The following CCSER1 variants were observed in gnomAD, a reference collection of about 807,000 sequenced individuals.
The protein encoded by CCSER1 is coiled-coil serine rich protein 1.
Under a neutral mutation model 82.0 loss-of-function variants are expected in CCSER1, and 41 were observed. The ratio of observed to expected loss-of-function variants is 0.50; its 90% confidence interval spans 0.39 to 0.65. The LOEUF is 0.65. CCSER1 is among the 30% of genes least tolerant of loss of function. CCSER1 has a pLI of 0.00. For synonymous variants in CCSER1, 414 were observed against 383.9 expected (o/e 1.08, Z -0.92); for missense variants, 1,119 against 1,064.2 (o/e 1.05, Z -0.72).
intron 7 of CCSER1, among the ~76,000 whole-genome samples, chr4:90,774,685 A>C (rs1024264805): frequency 6.6e-6 from 1 of 152,080 alleles, no homozygotes; most frequent in African/African-American, 2.4e-5. Flanking sequence ...TGTTAGCCAT[A>C]CTGTCTAATG....
chr4:90,842,386 C>T (rs1417499426), intron 8 of CCSER1, among the ~76,000 whole-genome samples: 3 of 152,104 alleles, frequency 2.0e-5, no homozygotes, highest in South Asian at 2.1e-4. Context: ...TTTGATAGAA[C>T]TTCTCAGGGA....
intron 1 of CCSER1, among the ~76,000 whole-genome samples, chr4:90,246,010 A>C (rs1206983160): frequency 2.6e-5 from 4 of 152,250 alleles, no homozygotes; most frequent in African/African-American, 9.6e-5. Flanking sequence ...ATCCTGAAAT[A>C]GTCACGCCTG....
In CCSER1 at chr4:90,723,960, G is replaced by C. The variant is rs770305504; in HGVS notation, c.1979G>C (p.Ser660Thr). 1.3e-6 allele frequency: 2 copies of C among 1,582,792 alleles called. No individual in the cohort carries two copies. The highest frequency in any genetic ancestry group is 2.3e-5 in the South Asian group (2 of 85,748). Residue 660 changes from serine (S) to threonine (T), a missense_variant, in exon 7 of 11, where the codon AGT becomes ACT. Physicochemically the swap from Ser to Thr is moderately conservative, Grantham distance 58. Transcript: ENST00000509176. ...PASSTTSLPV[S>T]PLTEEPVPFK... ...AGCAGTACCACGTCACTTCCTGTTA[G>C]TCCTCTTACTGAAGAGCCAGTGCCT... is the stretch of plus-strand genomic sequence containing the variant.
At position 91,091,161 on chromosome 4, in the gene CCSER1, G is replaced by A. The variant is rs528802717; in HGVS notation, c.2217+5167G>A. Among the ~76,000 whole-genome samples the A allele has an allele frequency of 3.3e-5, 5 of 152,222 alleles. No individual in the cohort carries two copies. In the East Asian group the frequency reaches 9.7e-4, roughly 29 times the overall value. On this transcript the variant is annotated intron_variant, in intron 10 of 10. Transcript: ENST00000509176. ...CTGCTCCTAGCTTATTTCTATTAAT[G>A]ACAGCACAAGCGTCAAATTATAAGA...
At chr4:90,988,774 A>G (rs1736790701) in intron 9 of CCSER1, among the ~76,000 whole-genome samples, 1 of 151,818 alleles carries the variant, frequency 6.6e-6, no homozygotes, top group Non-Finnish European at 1.5e-5. Context: ...TACTTATTTT[A>G]AGCTTTGATA....
At chr4:90,604,386 A>G (rs1784374476) in intron 5 of CCSER1, among the ~76,000 whole-genome samples, 1 of 152,176 alleles carries the variant, frequency 6.6e-6, no homozygotes, top group Non-Finnish European at 1.5e-5. Flanking sequence ...TTAAAGGTTG[A>G]GTCCCATGTT....
intron 1 of CCSER1, among the ~76,000 whole-genome samples, chr4:90,151,026 C>T (rs1417990001): frequency 6.6e-6 from 1 of 152,042 alleles, no homozygotes; most frequent in Non-Finnish European, 1.5e-5. Flanking sequence ...CACAACCCTG[C>T]TCTGGCCTGA....
chr4:91,206,022 C>T lies in CCSER1; in HGVS notation c.2217+120028C>T, dbSNP rs193298541. Among the ~76,000 whole-genome samples, 430 of 151,840 alleles carry T rather than the reference C, an allele frequency of 2.8e-3. 4 individuals carry two copies. Among genetic ancestry groups the T allele is most frequent in the African/African-American group, 9.7e-3 (404 of 41,466 alleles). On this transcript the variant is annotated intron_variant, in intron 10 of 10. Transcript: ENST00000509176. ...GCTAAGGGAAAATAAAGCAAAGATG[C>T]GTAAGCTAATACAGACATCCAAGTA... is the stretch of plus-strand genomic sequence containing the variant.
chr4:90,298,988 A>C (rs947260899), intron 1 of CCSER1, among the ~76,000 whole-genome samples: 54 of 151,786 alleles, frequency 3.6e-4, no homozygotes, highest in Non-Finnish European at 1.0e-4. Flanking sequence ...ATCTTTCTCT[A>C]TTTCTCTTTT....
chr4:90,513,313 G>A (rs1771816499), intron 5 of CCSER1, among the ~76,000 whole-genome samples: 1 of 152,126 alleles, frequency 6.6e-6, no homozygotes, highest in African/African-American at 2.4e-5. Context: ...TGCAAAGAGG[G>A]AAGGAAGACA....
intron 9 of CCSER1, chr4:91,015,504 T>A (rs1386203869): frequency 6.6e-6 from 1 of 151,988 alleles, no homozygotes; most frequent in East Asian, 1.9e-4. Flanking sequence ...GGTATGAAAT[T>A]ATAAAAGTTT....
At chr4:91,453,347 G>A (rs192531712) in intron 10 of CCSER1, among the ~76,000 whole-genome samples, 66 of 151,966 alleles carry the variant, frequency 4.3e-4, no homozygotes, top group African/African-American at 1.5e-3. Flanking sequence ...GATTTGTTTT[G>A]CCCCATTGTA....
At chr4:90,343,877 T>C (rs1227729782) in intron 3 of CCSER1, among the ~76,000 whole-genome samples, 1 of 152,174 alleles carries the variant, frequency 6.6e-6, no homozygotes, top group Non-Finnish European at 1.5e-5. Context: ...ATTTATCCTT[T>C]GTGTTACAAA....
intron 7 of CCSER1, among the ~76,000 whole-genome samples, chr4:90,796,175 T>C (rs972306088): frequency 3.9e-5 from 6 of 152,170 alleles, no homozygotes; most frequent in Admixed American, 2.6e-4. Flanking sequence ...CAGAGCTTAT[T>C]ATTCGTCTGT....
intron 8 of CCSER1, among the ~76,000 whole-genome samples, chr4:90,844,279 G>A (rs1034170022): frequency 1.3e-5 from 2 of 152,014 alleles, no homozygotes; most frequent in African/African-American, 2.4e-5. Flanking sequence ...CTAAACTTCA[G>A]AGTTCTTAAA....
intron 6 of CCSER1, among the ~76,000 whole-genome samples, chr4:90,673,144 T>G (rs1733129560): frequency 6.6e-6 from 1 of 151,938 alleles, no homozygotes; most frequent in South Asian, 2.1e-4. Flanking sequence ...AACCTTCAAT[T>G]TGTAAAAAGC....
chr4:91,488,266 A>G (rs764343222), intron 10 of CCSER1, among the ~76,000 whole-genome samples: 40 of 152,332 alleles, frequency 2.6e-4, no homozygotes, highest in East Asian at 1.9e-4. Flanking sequence ...TTCATTTTAT[A>G]TGGCAATTAT....
Position 90,308,925 on chromosome 4 carries a change from C to T in CCSER1, c.641C>T (p.Thr214Ile). The T allele has an allele frequency of 6.2e-7, 1 of 1,613,872 alleles. No homozygotes were observed. Among genetic ancestry groups the T allele is most frequent in the East Asian group, 2.2e-5 (1 of 44,888 alleles). Residue 214 changes from threonine (T) to isoleucine (I), a missense_variant, in exon 2 of 11, where the codon ACA becomes ATA. By Grantham distance (89) the Thr-to-Ile change is moderately conservative. Coordinates refer to ENST00000509176, the MANE Select transcript of CCSER1 (RefSeq NM_001145065.2). ...VQQSEFSLEV[T>I]QYQEREPVLV... The stretch of plus-strand genomic sequence containing the variant: ...CAGTCTGAATTCTCATTGGAAGTTA[C>T]ACAGTACCAAGAGAGAGAACCTGTA...
At chr4:91,054,165 C>T (rs1288836841) in intron 9 of CCSER1, among the ~76,000 whole-genome samples, 3 of 152,114 alleles carry the variant, frequency 2.0e-5, no homozygotes, top group African/African-American at 4.8e-5. Flanking sequence ...CATATACTTG[C>T]CAGCTATACT....
Sources: allele counts gnomAD v4.1 joint callset (sites outside exome capture counted in the v4.1 genomes callset), GRCh38; gene constraint gnomAD v4.1.1; transcripts MANE v1.5; gene names NCBI Gene and HGNC (gene_info 2026-07-23, HGNC 2026-07-21).